DNAH6: variants seen among roughly 807,000 people sequenced by gnomAD.
The protein encoded by DNAH6 is axonemal beta dynein heavy chain 6.
In DNAH6, 340 loss-of-function variants were observed where a neutral mutation model predicts 491.4. The observed-to-expected ratio is 0.69, with a 90% CI of 0.63 to 0.76. The LOEUF is 0.76. DNAH6 is among the 30% of genes least tolerant of loss of function. The pLI, the probability that DNAH6 is intolerant of heterozygous loss-of-function variation, is 0.00. For synonymous variants in DNAH6, 1,603 were observed against 1,686.1 expected (o/e 0.95, Z 1.21); for missense variants, 4,443 against 4,972.2 (o/e 0.89, Z 3.20).
At chr2:84,466,502 A>G in the DNAH6 span, among the ~76,000 whole-genome samples, 11 of 152,356 alleles carry the variant, frequency 7.2e-5, no homozygotes, top group East Asian at 2.1e-3. Flanking sequence ...TAAAACCTGT[A>G]AATAGCTCAA....
chr2:84,604,655 ACT>A (rs1685580028), intron 19 of DNAH6, 104 bp downstream of exon 19: 10 of 794,128 alleles, frequency 1.3e-5, no homozygotes, highest in Non-Finnish European at 2.0e-5. Context: ...TGCAGCTTTC[ACT>A]CTCTCATTAT....
At position 84,733,495 on chromosome 2, in the gene DNAH6, G is replaced by A. The variant is rs114604025; in HGVS notation, c.10258G>A (p.Ala3420Thr). 2.1e-4 allele frequency: 325 copies of A among 1,551,224 alleles called. No homozygotes were observed. Among genetic ancestry groups the A allele is most frequent in the Non-Finnish European group, 2.7e-4 (306 of 1,146,620 alleles). ...APWLPTATWF[A>T]CCDLEESFPV... ...CTGGCTACCTACTGCTACATGGTTC[G>A]CATGCTGTGACTTGGAAGAATCATT... Residue 3420 changes from alanine to threonine, a missense_variant, in exon 62 of 77, where the codon GCA becomes ACA. Ala to Thr is a moderately conservative substitution (Grantham distance 58). This residue lies in a region of DNAH6 where 1,463 missense variants were observed against 1,656.6 expected (regional missense o/e 0.88). Coordinates refer to ENST00000389394, the MANE Select transcript of DNAH6 (RefSeq NM_001370.2).
intron 33 of DNAH6, among the ~76,000 whole-genome samples, chr2:84,647,126 T>C (rs563546449): frequency 5.5e-4 from 83 of 152,248 alleles, no homozygotes; most frequent in African/African-American, 1.8e-3. Context: ...GCATTACAGG[T>C]GTGAGCCACC....
intron 48 of DNAH6, among the ~76,000 whole-genome samples, 188 bp from the exon 49 acceptor site, chr2:84,700,909 G>A (rs1406589027): frequency 6.6e-6 from 1 of 152,164 alleles, no homozygotes; most frequent in African/African-American, 2.4e-5. Context: ...ACTAAATGCA[G>A]ACCCAGGCAC....
the DNAH6 span, among the ~76,000 whole-genome samples, chr2:84,477,766 A>T: frequency 2.5e-4 from 38 of 152,366 alleles, no homozygotes; most frequent in African/African-American, 8.4e-4. Context: ...AGAGTGAAAG[A>T]ATAGAAGGTA....
intron 26 of DNAH6, among the ~76,000 whole-genome samples, chr2:84,622,073 A>C (rs1687449381): frequency 6.6e-6 from 1 of 152,170 alleles, no homozygotes; most frequent in East Asian, 1.9e-4. Flanking sequence ...TAGCACTAAA[A>C]CTTTATACTT....
intron 75 of DNAH6, among the ~76,000 whole-genome samples, 185 bp from the exon 76 acceptor site, chr2:84,815,676 C>T (rs1028777804): frequency 2.0e-5 from 3 of 152,198 alleles, no homozygotes; most frequent in African/African-American, 7.2e-5. Flanking sequence ...AAAGTCATCA[C>T]ATTATTATTA....
chr2:84,582,751 G>T (rs541140924), intron 14 of DNAH6, among the ~76,000 whole-genome samples: 1 of 152,164 alleles, frequency 6.6e-6, no homozygotes, highest in Non-Finnish European at 1.5e-5. Flanking sequence ...CACTGCACCC[G>T]GCCAGCAATC....
chr2:84,529,098 T>C lies in DNAH6; in HGVS notation c.594T>C (p.His198=), dbSNP rs1676904228. 1 of 1,549,736 alleles carries C rather than the reference T, an allele frequency of 6.5e-7. No individual in the cohort carries two copies. The highest frequency in any genetic ancestry group is 1.4e-5 in the African/African-American group (1 of 73,098). Residue 198 remains histidine (H), a synonymous_variant, in exon 4 of 77, where the codon CAT becomes CAC. Transcript: ENST00000389394. Reference sequence around the variant, plus strand: ...TTAAAATAATACGTGAAAATGAACATCTTGGATTTCTTTATATGATCCCTG... The same window carrying C: ...TTAAAATAATACGTGAAAATGAACACCTTGGATTTCTTTATATGATCCCTG... ...QIIKIIRENE[H]LGFLYMIPAV...
At chr2:84,553,265 AACATT>A (rs1679584812) in intron 10 of DNAH6, among the ~76,000 whole-genome samples, 1 of 152,190 alleles carries the variant, frequency 6.6e-6, no homozygotes, top group Admixed American at 6.5e-5. Flanking sequence ...GGTACAGAAA[AACATT>A]CTATACAAAA....
At chr2:84,679,426 C>T (rs541816594) in intron 41 of DNAH6, among the ~76,000 whole-genome samples, 115 of 152,302 alleles carry the variant, frequency 7.6e-4, no homozygotes, top group African/African-American at 2.6e-3. Flanking sequence ...CATCACTATA[C>T]ATTCTAAGGG....
chr2:84,636,350 C>T (rs560997185), intron 30 of DNAH6, among the ~76,000 whole-genome samples: 2 of 152,310 alleles, frequency 1.3e-5, no homozygotes, highest in East Asian at 3.9e-4. Flanking sequence ...CCCTGTTCCT[C>T]CACCTGAAAC....
At chr2:84,644,937 AT>A (rs1315031479) in intron 33 of DNAH6, among the ~76,000 whole-genome samples, 4 of 152,110 alleles carry the variant, frequency 2.6e-5, no homozygotes, top group African/African-American at 9.7e-5. Flanking sequence ...AATGACTTGT[AT>A]TTCTTTAAGT....
chr2:84,725,132 C>T (rs1355754873), intron 60 of DNAH6, among the ~76,000 whole-genome samples: 3 of 152,118 alleles, frequency 2.0e-5, no homozygotes, highest in Non-Finnish European at 2.9e-5. Flanking sequence ...ACATAATGCT[C>T]GAGTGTTTCA....
chr2:84,654,622 A>G, intron 34 of DNAH6, 38 bp from the exon 35 acceptor site: 2 of 1,548,618 alleles, frequency 1.3e-6, no homozygotes, highest in Non-Finnish European at 8.7e-7. Context: ...AGGAAGTATC[A>G]TATTAGCTGT....
chr2:84,587,131 A>C (rs1683634101), intron 15 of DNAH6, among the ~76,000 whole-genome samples: 1 of 152,018 alleles, frequency 6.6e-6, no homozygotes, highest in African/African-American at 2.4e-5. Context: ...GGTAGGCCCC[A>C]GTGTCTGTTG....
chr2:84,739,668 C>G (rs1337193816), intron 62 of DNAH6, among the ~76,000 whole-genome samples: 1 of 152,064 alleles, frequency 6.6e-6, no homozygotes, highest in Non-Finnish European at 1.5e-5. Flanking sequence ...TTTGAATTTC[C>G]TGATGCGAAT....
At chr2:84,628,376 T>TG (rs1444869121) in intron 29 of DNAH6, among the ~76,000 whole-genome samples, 4 of 152,164 alleles carry the variant, frequency 2.6e-5, no homozygotes, top group African/African-American at 9.7e-5. Flanking sequence ...TTTCTCTACC[T>TG]GCTTTTTCCG....
intron 10 of DNAH6, among the ~76,000 whole-genome samples, chr2:84,556,427 G>C (rs1380658574): frequency 2.6e-5 from 4 of 152,142 alleles, no homozygotes; most frequent in Admixed American, 6.5e-5. Flanking sequence ...CTGCCCCCTT[G>C]GGCCCCACAC....
Sources: gnomAD v4.1 joint callset for allele counts (sites outside exome capture counted in the v4.1 genomes callset) on GRCh38, gnomAD v4.1.1 for gene constraint, gnomAD v4.1.1 regional missense constraint, MANE v1.5 for transcripts, NCBI Gene and HGNC (gene_info 2026-07-23, HGNC 2026-07-21) for gene names.